The following RDX variants were observed in gnomAD, a reference collection of about 807,000 sequenced individuals.
The protein encoded by RDX is deafness, autosomal recessive 24.
In RDX, 32 loss-of-function variants were observed where a neutral mutation model predicts 83.7. The ratio of observed to expected loss-of-function variants is 0.38; its 90% CI spans 0.29 to 0.51. The LOEUF (loss-of-function observed/expected upper bound fraction) is 0.51, where lower values mean the gene tolerates loss of function less well. Among genes scored for constraint, RDX ranks in the 20% least tolerant of loss-of-function variants. RDX has a pLI of 0.87. For missense variants in RDX, 600 were observed against 689.9 expected, an observed-to-expected ratio of 0.87 and a Z score of 1.46; for synonymous variants, 229 against 222.7, an observed-to-expected ratio of 1.03 and a Z score of -0.25.
intron 15 of RDX, among the ~76,000 whole-genome samples, chr11:110,194,521 G>T (rs1863163622): frequency 1.3e-5 from 2 of 152,150 alleles, no homozygotes; most frequent in Admixed American, 1.3e-4. Context: ...CACCCAGCCG[G>T]ATATTACAAC....
chr11:110,276,642 G>C (rs923190323), intron 2 of RDX, among the ~76,000 whole-genome samples: 16 of 152,224 alleles, frequency 1.1e-4, no homozygotes, highest in Non-Finnish European at 1.6e-4. Context: ...CATTGACTTA[G>C]ATCTCCTTTA....
intron 3 of RDX, among the ~76,000 whole-genome samples, chr11:110,265,097 GTTTTTTTTTTTGTTT>G (rs1214316893): frequency 9.2e-6 from 1 of 108,248 alleles, no homozygotes; most frequent in Non-Finnish European, 1.9e-5. Flanking sequence ...TTGAAAAGAA[GTTTTTTTTTTTGTTT>G]TTTTTTTTTT....
At chr11:110,274,783 A>G (rs780043048) in intron 2 of RDX, among the ~76,000 whole-genome samples, 5 of 152,216 alleles carry the variant, frequency 3.3e-5, no homozygotes, top group Non-Finnish European at 7.3e-5. Flanking sequence ...GCTATGCAAC[A>G]TTCTGCATGT....
chr11:110,274,295 A>G lies in RDX; in HGVS notation c.13-1676T>C, dbSNP rs190954694. Among the ~76,000 whole-genome samples, 14 of 152,330 alleles carry G rather than the reference A, an allele frequency of 9.2e-5. No individual in the cohort carries two copies. In the East Asian group the frequency reaches 2.7e-3, roughly 29 times the overall value. Reference sequence around the variant, plus strand: ...TATACCACTGTTATTTGTTCTTTGTAAATACCAACAGGTAATCACTAACCT... The same window carrying G: ...TATACCACTGTTATTTGTTCTTTGTGAATACCAACAGGTAATCACTAACCT... On this transcript the variant is annotated intron_variant, in intron 2 of 13. Transcript: ENST00000645495.
intron 14 of RDX, among the ~76,000 whole-genome samples, chr11:110,223,277 C>T (rs1194214876): frequency 6.6e-6 from 1 of 152,022 alleles, no homozygotes; most frequent in African/African-American, 2.4e-5. Context: ...GGCGTGAACC[C>T]GGGAGGTGGA....
chr11:110,263,280 G>C (rs757132620), intron 5 of RDX: 1 of 151,380 alleles, frequency 6.6e-6, no homozygotes, highest in African/African-American at 2.4e-5. Flanking sequence ...CTCTATCTCG[G>C]GGGGGGAAAA....
At chr11:110,187,972 T>C (rs932965651) in intron 15 of RDX, among the ~76,000 whole-genome samples, 2 of 152,184 alleles carry the variant, frequency 1.3e-5, no homozygotes, top group Non-Finnish European at 2.9e-5. Context: ...CCAACAGAAG[T>C]GCATAGGGCT....
intron 14 of RDX, among the ~76,000 whole-genome samples, chr11:110,209,242 A>T (rs1591512825): frequency 6.6e-6 from 1 of 152,216 alleles, no homozygotes; most frequent in South Asian, 2.1e-4. Context: ...GCACCTGGAA[A>T]ATCGGGTCAC....
intron 15 of RDX, among the ~76,000 whole-genome samples, chr11:110,190,070 C>A (rs962096261): frequency 6.6e-6 from 1 of 151,740 alleles, no homozygotes; most frequent in East Asian, 1.9e-4. Context: ...GCAACAAGAG[C>A]GAAACTCCAT....
At chr11:110,195,955 A>G (rs1863199812) in intron 15 of RDX, 1 of 152,238 alleles carries the variant, frequency 6.6e-6, no homozygotes, top group Non-Finnish European at 1.5e-5. Flanking sequence ...AGGAAAGGCA[A>G]TTGAGAGGGG....
chr11:110,210,678 C>A (rs868084812), intron 14 of RDX, among the ~76,000 whole-genome samples: 1 of 151,042 alleles, frequency 6.6e-6, no homozygotes, highest in Middle Eastern at 3.4e-3. Context: ...GAGTGGGGGC[C>A]AATATTCAAC....
intron 15 of RDX, among the ~76,000 whole-genome samples, chr11:110,192,058 A>C (rs1407846983): frequency 6.6e-6 from 1 of 152,206 alleles, no homozygotes; most frequent in Non-Finnish European, 1.5e-5. Flanking sequence ...TATTGATCCA[A>C]GAAAGAGCCC....
At chr11:110,273,562 G>A (rs1342963082) in intron 2 of RDX, among the ~76,000 whole-genome samples, 2 of 152,208 alleles carry the variant, frequency 1.3e-5, no homozygotes, top group East Asian at 1.9e-4. Context: ...GCACAGGCGT[G>A]TGCCGCCAGG....
chr11:110,273,126 C>A (rs1345280899), intron 2 of RDX: 1 of 455,012 alleles, frequency 2.2e-6, no homozygotes, highest in Non-Finnish European at 4.4e-6. Flanking sequence ...ATGGGAGGAT[C>A]ACTTGAGCCT....
intron 13 of RDX, 89 bp downstream of exon 13, chr11:110,233,148 C>A: frequency 6.6e-7 from 1 of 1,524,996 alleles, no homozygotes; most frequent in South Asian, 1.1e-5. Context: ...AGTATTAAAA[C>A]TTCTATATTC....
chr11:110,274,268 C>T (rs1346976497), intron 2 of RDX, among the ~76,000 whole-genome samples: 1 of 152,086 alleles, frequency 6.6e-6, no homozygotes, highest in Non-Finnish European at 1.5e-5. Flanking sequence ...AATAATGTTG[C>T]ATATACCACT....
intron 9 of RDX, among the ~76,000 whole-genome samples, chr11:110,251,584 A>C (rs1020640127): frequency 1.3e-5 from 2 of 152,180 alleles, no homozygotes; most frequent in Admixed American, 6.6e-5. Context: ...GTATGACACT[A>C]GCCAGCCTTG....
intron 15 of RDX, among the ~76,000 whole-genome samples, chr11:110,197,229 TC>T (rs11291421): frequency 0.04 from 6,156 of 152,212 alleles, 416 homozygotes; most frequent in African/African-American, 0.14. Context: ...CACGTTTAAT[TC>T]CTTAATGTCA....
intron 15 of RDX, among the ~76,000 whole-genome samples, chr11:110,182,283 C>T (rs1862903157): frequency 6.6e-6 from 1 of 152,188 alleles, no homozygotes; most frequent in Admixed American, 6.5e-5. Flanking sequence ...GTGCCCAGGA[C>T]TTTGAGGAGG....
Sources: allele counts gnomAD v4.1 joint callset (sites outside exome capture counted in the v4.1 genomes callset), GRCh38; gene constraint gnomAD v4.1.1; transcripts MANE v1.5; gene names NCBI Gene and HGNC (gene_info 2026-07-23, HGNC 2026-07-21).